The following RBFOX1 variants were observed in gnomAD, a reference collection of about 807,000 sequenced individuals.
The protein encoded by RBFOX1 is RNA binding protein fox-1 homolog 1.
RBFOX1 carries 8 observed loss-of-function variants against 57.7 expected under a neutral mutation model. That is an observed-to-expected ratio of 0.14 (90% confidence interval 0.08 to 0.25). The LOEUF is 0.25. Ranked by LOEUF, RBFOX1 falls within the 10% of genes least tolerant of loss-of-function variation. RBFOX1 has a pLI of 1.00. For synonymous variants in RBFOX1, 326 were observed against 222.4 expected, an observed-to-expected ratio of 1.47 and a Z score of -4.15; for missense variants, 611 against 548.5, an observed-to-expected ratio of 1.11 and a Z score of -1.14.
rs536884880 is a variant in RBFOX1 at position 7,712,152 on chromosome 16, T to C, written c.*1407T>C. 6.5e-6 allele frequency: 1 copy of C among 152,760 alleles called. No individual in the cohort carries two copies. Among genetic ancestry groups the C allele is most frequent in the South Asian group, 2.1e-4 (1 of 4,824 alleles). 9.5% of individuals were successfully genotyped at this position (152,760 alleles called of 1,614,324 possible). A position where few individuals can be genotyped will look rare whatever the true frequency, so the allele number is the denominator to read the frequency against. On this transcript the variant is annotated 3_prime_UTR_variant, in exon 16 of 16. Coordinates refer to ENST00000550418, the MANE Select transcript of RBFOX1 (RefSeq NM_018723.4). ...AGTTTGTCTGTACTTCTGTTTGAACTTTCCACGTTGTCCTGTTTACAAGTT... is the reference window on the plus strand; with the variant it reads ...AGTTTGTCTGTACTTCTGTTTGAACCTTCCACGTTGTCCTGTTTACAAGTT...
intron 4 of RBFOX1, among the ~76,000 whole-genome samples, chr16:7,163,142 AC>A (rs1276518447): frequency 2.0e-5 from 3 of 152,124 alleles, no homozygotes; most frequent in East Asian, 1.9e-4. Context: ...AACACTTTTG[AC>A]ATTTTTTTTT....
At chr16:5,660,277 A>G (rs998170833) in intron 3 of RBFOX1, among the ~76,000 whole-genome samples, 1 of 152,120 alleles carries the variant, frequency 6.6e-6, no homozygotes, top group African/African-American at 2.4e-5. Flanking sequence ...ATTTGGTGCA[A>G]ACCCTAGATC....
chr16:5,729,252 A>G (rs1259658664), intron 3 of RBFOX1, among the ~76,000 whole-genome samples: 3 of 152,218 alleles, frequency 2.0e-5, no homozygotes, highest in African/African-American at 7.2e-5. Context: ...GAGATGCTTC[A>G]TACCTAGAGG....
intron 2 of RBFOX1, among the ~76,000 whole-genome samples, chr16:5,594,218 T>G (rs553301564): frequency 1.3e-5 from 2 of 152,312 alleles, no homozygotes; most frequent in South Asian, 4.1e-4. Context: ...GTGTTTATTT[T>G]TTTCCACCTC....
chr16:7,507,551 T>G (rs955295973), intron 4 of RBFOX1, among the ~76,000 whole-genome samples: 7 of 108,676 alleles, frequency 6.4e-5, no homozygotes, highest in Non-Finnish European at 1.4e-4. Context: ...ACGTGATTTT[T>G]TTTTTCTTTC....
chr16:5,739,431 A>G (rs2052698160), intron 3 of RBFOX1, among the ~76,000 whole-genome samples: 2 of 152,242 alleles, frequency 1.3e-5, no homozygotes, highest in South Asian at 2.1e-4. Context: ...GGGAAAGTGG[A>G]TAATAAAAAT....
chr16:5,365,693 G>C (rs1567394479), intron 1 of RBFOX1: 1 of 345,838 alleles, frequency 2.9e-6, no homozygotes, highest in Non-Finnish European at 5.5e-6. Context: ...AAAATAAAAA[G>C]AGCTTTCCCT....
chr16:5,332,462 C>G (rs1474967430), intron 1 of RBFOX1, among the ~76,000 whole-genome samples: 6 of 151,940 alleles, frequency 3.9e-5, no homozygotes, highest in Admixed American at 3.3e-4. Context: ...TGGGGTTTCA[C>G]CATGTTGGCC....
intron 3 of RBFOX1, among the ~76,000 whole-genome samples, chr16:6,821,986 CT>C (rs1567408263): frequency 6.6e-6 from 1 of 152,138 alleles, no homozygotes; most frequent in Non-Finnish European, 1.5e-5. Context: ...ATGGATGATA[CT>C]TCGCTGACAT....
chr16:7,023,747 A>T (rs779842247), intron 3 of RBFOX1, among the ~76,000 whole-genome samples: 7 of 151,950 alleles, frequency 4.6e-5, no homozygotes, highest in South Asian at 4.2e-4. Flanking sequence ...TCACTTATCA[A>T]TCCCTGTGTT....
At chr16:6,323,262 AGGG>A (rs2082013431) in intron 2 of RBFOX1, among the ~76,000 whole-genome samples, 2 of 152,218 alleles carry the variant, frequency 1.3e-5, no homozygotes, top group Non-Finnish European at 1.5e-5. Flanking sequence ...GGTAAGGAAG[AGGG>A]AAGCCCAGGC....
At chr16:5,267,533 A>G (rs1234206508) in intron 1 of RBFOX1, among the ~76,000 whole-genome samples, 1 of 151,774 alleles carries the variant, frequency 6.6e-6, no homozygotes, top group Non-Finnish European at 1.5e-5. Context: ...CCTGGCCTGA[A>G]GTGATCTGCC....
chr16:7,271,440 G>C (rs925727429), intron 4 of RBFOX1, among the ~76,000 whole-genome samples: 1 of 151,552 alleles, frequency 6.6e-6, no homozygotes, highest in South Asian at 2.1e-4. Context: ...ATGATGCCTT[G>C]GTGACCCAGG....
At chr16:5,397,043 G>T in intron 1 of RBFOX1, among the ~76,000 whole-genome samples, 1 of 152,164 alleles carries the variant, frequency 6.6e-6, no homozygotes, top group East Asian at 1.9e-4. Context: ...CCTACCAAAG[G>T]TCATAATAGG....
intron 2 of RBFOX1, among the ~76,000 whole-genome samples, chr16:6,614,563 A>G (rs1279298475): frequency 6.6e-6 from 1 of 152,180 alleles, no homozygotes; most frequent in Non-Finnish European, 1.5e-5. Flanking sequence ...AACATCAGAA[A>G]TGTCTTCGCC....
intron 4 of RBFOX1, among the ~76,000 whole-genome samples, chr16:7,066,897 C>G (rs1016393808): frequency 2.6e-5 from 4 of 152,130 alleles, no homozygotes; most frequent in East Asian, 1.9e-4. Flanking sequence ...TGAACCCAGA[C>G]CATTTATTTT....
chr16:7,402,076 G>C (rs1442847354), intron 4 of RBFOX1, among the ~76,000 whole-genome samples: 1 of 152,018 alleles, frequency 6.6e-6, no homozygotes, highest in Non-Finnish European at 1.5e-5. Flanking sequence ...ATGTTCCTCA[G>C]AGTCAGACTG....
At chr16:6,522,205 T>C (rs1567544178) in intron 2 of RBFOX1, among the ~76,000 whole-genome samples, 1 of 147,140 alleles carries the variant, frequency 6.8e-6, no homozygotes, top group Non-Finnish European at 1.5e-5. Flanking sequence ...GTCTTAAAAA[T>C]TAGGATGAAC....
chr16:6,520,718 C>G (rs914609772), intron 2 of RBFOX1, among the ~76,000 whole-genome samples: 1 of 152,076 alleles, frequency 6.6e-6, no homozygotes, highest in Non-Finnish European at 1.5e-5. Flanking sequence ...ATCCAGACAC[C>G]CTTAGAACCT....
Sources: gnomAD v4.1 joint callset for allele counts (sites outside exome capture counted in the v4.1 genomes callset) on GRCh38, gnomAD v4.1.1 for gene constraint, MANE v1.5 for transcripts, NCBI Gene and HGNC (gene_info 2026-07-23, HGNC 2026-07-21) for gene names.